Variants in SYNPR observed in about 807,000 individuals in gnomAD.
The protein encoded by SYNPR is synaptoporin.
Under a neutral mutation model 32.9 loss-of-function variants are expected in SYNPR, and 23 were observed. That is an observed-to-expected ratio of 0.70 (90% CI 0.50 to 0.99). The LOEUF (loss-of-function observed/expected upper bound fraction) is 0.99, where lower values mean the gene tolerates loss of function less well. Ranked by LOEUF, SYNPR falls within the 50% of genes least tolerant of loss-of-function variation. The pLI, the probability that SYNPR is intolerant of heterozygous loss-of-function variation, is 0.00. For synonymous variants in SYNPR, 146 were observed against 135.9 expected, an observed-to-expected ratio of 1.07 and a Z score of -0.52; for missense variants, 318 against 349.3, an observed-to-expected ratio of 0.91 and a Z score of 0.71.
At chr3:63,462,833 C>T (rs1022823910) in intron 2 of SYNPR, among the ~76,000 whole-genome samples, 5 of 152,136 alleles carry the variant, frequency 3.3e-5, no homozygotes, top group Non-Finnish European at 7.4e-5. Context: ...AGTCAAAACA[C>T]CATAAAATTT....
chr3:63,470,892 T>G (rs1184286378), intron 2 of SYNPR, among the ~76,000 whole-genome samples: 1 of 152,212 alleles, frequency 6.6e-6, no homozygotes, highest in East Asian at 1.9e-4. Context: ...CTGATATGTG[T>G]GAAAAACAAA....
At position 63,383,141 on chromosome 3, in the gene SYNPR, C is replaced by T. The variant is rs115671683; in HGVS notation, c.85-97691C>T. On this transcript the variant is annotated intron_variant, in intron 2 of 5. Coordinates refer to ENST00000478300, the MANE Select transcript of SYNPR (RefSeq NM_001130003.2). ...TAAGGATTTGTTTTCTTATTCATTG[C>T]ATAGTTTCCCATCAACTTTCTCTGA... Among the ~76,000 whole-genome samples, 647 of 152,278 alleles carry T rather than the reference C, an allele frequency of 4.2e-3. 5 individuals carry two copies. Among genetic ancestry groups the T allele is most frequent in the African/African-American group, 0.015 (633 of 41,566 alleles).
intron 3 of SYNPR, among the ~76,000 whole-genome samples, chr3:63,541,417 C>A (rs1375378484): frequency 6.6e-6 from 1 of 151,992 alleles, no homozygotes; most frequent in South Asian, 2.1e-4. Flanking sequence ...GAATTACAAT[C>A]TATTGACCTT....
At chr3:63,406,951 T>A (rs2088368551) in intron 2 of SYNPR, among the ~76,000 whole-genome samples, 1 of 152,218 alleles carries the variant, frequency 6.6e-6, no homozygotes. Flanking sequence ...ATCGAGAATC[T>A]AAGGAATATT....
chr3:63,244,828 G>A (rs896418312), intron 1 of SYNPR, among the ~76,000 whole-genome samples: 2 of 151,956 alleles, frequency 1.3e-5, no homozygotes, highest in Non-Finnish European at 2.9e-5. Context: ...TTTCTTATTT[G>A]TATTCTAAGT....
intron 2 of SYNPR, among the ~76,000 whole-genome samples, chr3:63,317,250 T>G (rs1340549661): frequency 6.6e-6 from 1 of 152,020 alleles, no homozygotes; most frequent in African/African-American, 2.4e-5. Flanking sequence ...GTTAAGTACA[T>G]TTATTCCAAG....
At chr3:63,372,753 T>C (rs185281381) in intron 2 of SYNPR, among the ~76,000 whole-genome samples, 6 of 152,276 alleles carry the variant, frequency 3.9e-5, no homozygotes, top group Non-Finnish European at 4.4e-5. Flanking sequence ...ACATAAAGCC[T>C]GAGCTCGCCC....
rs1353875339 is a variant in SYNPR at position 63,592,717 on chromosome 3, A to G, written c.409-16408A>G. Among the ~76,000 whole-genome samples, 6 of 152,088 alleles carry G rather than the reference A, an allele frequency of 3.9e-5. No individual in the cohort carries two copies. The East Asian group carries it at 1.2e-3, about 29-fold the overall frequency. ...AAATTAAAAAATAAATAAATAAATA[A>G]ATGAGTAAACCCACCTAATGTATTT... On this transcript the variant is annotated intron_variant, in intron 4 of 5. Transcript: ENST00000478300.
At chr3:63,480,412 T>C (rs1358544968) in intron 2 of SYNPR, among the ~76,000 whole-genome samples, 1 of 152,204 alleles carries the variant, frequency 6.6e-6, no homozygotes, top group East Asian at 1.9e-4. Context: ...AATCATATTA[T>C]GGTAGAAAAT....
At chr3:63,386,701 G>A (rs2088051138) in intron 2 of SYNPR, among the ~76,000 whole-genome samples, 1 of 151,730 alleles carries the variant, frequency 6.6e-6, no homozygotes, top group South Asian at 2.1e-4. Context: ...TCAGTTCTGG[G>A]TGAATGACCT....
intron 2 of SYNPR, among the ~76,000 whole-genome samples, chr3:63,359,434 A>G (rs2087628586): frequency 6.6e-6 from 1 of 152,258 alleles, no homozygotes; most frequent in Non-Finnish European, 1.5e-5. Flanking sequence ...ACAAAGGCTC[A>G]GTGTAAAATC....
chr3:63,385,496 C>T (rs2107075413), intron 2 of SYNPR, among the ~76,000 whole-genome samples: 1 of 152,298 alleles, frequency 6.6e-6, no homozygotes. Flanking sequence ...GATTCACTGG[C>T]TTGAACTCTG....
At chr3:63,488,916 A>G (rs1436361522) in intron 3 of SYNPR, among the ~76,000 whole-genome samples, 1 of 152,170 alleles carries the variant, frequency 6.6e-6, no homozygotes. Flanking sequence ...AGTCTACCCC[A>G]TCTCCACCCC....
chr3:63,380,154 G>C (rs573456138), intron 2 of SYNPR, among the ~76,000 whole-genome samples: 1 of 152,132 alleles, frequency 6.6e-6, no homozygotes, highest in African/African-American at 2.4e-5. Context: ...ACATACATCC[G>C]CATGTGTCTT....
At chr3:63,365,064 T>A (rs1376600584) in intron 2 of SYNPR, among the ~76,000 whole-genome samples, 1 of 152,228 alleles carries the variant, frequency 6.6e-6, no homozygotes, top group Non-Finnish European at 1.5e-5. Context: ...TGATCACTTA[T>A]GATCAGTAAT....
rs576057472 is a variant in SYNPR, at chr3:63,372,528, C to T, written c.84+93786C>T. 9.5e-4 allele frequency among the ~76,000 whole-genome samples: 144 copies of T among 152,228 alleles called. 4 individuals carry two copies. The highest frequency in any genetic ancestry group is 8.5e-4 in the Admixed American group (13 of 15,288). On this transcript the variant is annotated intron_variant, in intron 2 of 5. Coordinates refer to ENST00000478300, the MANE Select transcript of SYNPR (RefSeq NM_001130003.2). ...CTAAGGAGAGAGGCCAGTCTGTTTC[C>T]CCCATCCCCCTTTCCCCCACAACCC...
At chr3:63,574,253 T>A (rs1355392448) in intron 4 of SYNPR, among the ~76,000 whole-genome samples, 1 of 152,182 alleles carries the variant, frequency 6.6e-6, no homozygotes, top group East Asian at 1.9e-4. Context: ...ACATTTTGCC[T>A]GTGGCCTCAC....
At chr3:63,257,799 T>C (rs7426406) in intron 2 of SYNPR, among the ~76,000 whole-genome samples, 35,382 of 152,082 alleles carry the variant, frequency 0.23, 4,405 homozygotes, top group South Asian at 0.39. Context: ...TCAAGACCCA[T>C]CAGTGTGCTG....
At chr3:63,450,841 T>A (rs890283506) in intron 2 of SYNPR, among the ~76,000 whole-genome samples, 9 of 152,170 alleles carry the variant, frequency 5.9e-5, no homozygotes, top group African/African-American at 2.2e-4. Context: ...TCCTTGATCT[T>A]TTGATGAGCT....
Sources: allele counts gnomAD v4.1 joint callset (sites outside exome capture counted in the v4.1 genomes callset), GRCh38; gene constraint gnomAD v4.1.1; transcripts MANE v1.5; gene names NCBI Gene and HGNC (gene_info 2026-07-23, HGNC 2026-07-21).